C12orf43: variants seen among roughly 807,000 people sequenced by gnomAD.
The protein encoded by C12orf43 is chromosome 12 open reading frame 43.
Under a neutral mutation model 20.6 loss-of-function variants are expected in C12orf43, and 15 were observed. The ratio of observed to expected loss-of-function variants is 0.73; its 90% confidence interval spans 0.49 to 1.12. The LOEUF (loss-of-function observed/expected upper bound fraction) is 1.12. C12orf43 is among the 50% of genes most tolerant of loss of function. C12orf43 has a pLI of 0.00. For synonymous variants in C12orf43, 144 were observed against 130.8 expected (o/e 1.10, Z -0.69); for missense variants, 334 against 344.4 (o/e 0.97, Z 0.24).
Position 121,002,134 on chromosome 12 carries a change from C to T in C12orf43, c.*2019G>A. On this transcript the variant is annotated 3_prime_UTR_variant, in exon 6 of 6. Transcript: ENST00000288757. ...AGGCAGCAAGGCCCGAGCAGCTGAG[C>T]AGGGCCGGGGAACTGGCCAAGCTGA... The T allele has an allele frequency of 1.9e-6, 1 of 523,990 alleles. No homozygotes were observed. Among genetic ancestry groups the T allele is most frequent in the Non-Finnish European group, 3.7e-6 (1 of 270,474 alleles). The allele number at this position is 523,990 out of a possible 1,614,324, so 32.5% of individuals were successfully genotyped here. A position where few individuals can be genotyped will look rare whatever the true frequency, so the allele number is the denominator to read the frequency against.
Position 121,011,161 on chromosome 12 carries a change from A to C in C12orf43, c.146-15T>G. On this transcript the variant is annotated splice_polypyrimidine_tract_variant and intron_variant, in intron 1 of 5. Transcript: ENST00000288757. Reference sequence around the variant, plus strand: ...ATTTGCAGCACCTGTGGAAAAATGAAAATTAGGGCATTTATAGAGGAAACA... The same window carrying C: ...ATTTGCAGCACCTGTGGAAAAATGACAATTAGGGCATTTATAGAGGAAACA... 1 of 1,612,846 alleles carries C rather than the reference A, an allele frequency of 6.2e-7. No individual in the cohort carries two copies. Among genetic ancestry groups the C allele is most frequent in the Non-Finnish European group, 8.5e-7 (1 of 1,179,038 alleles).
Position 121,000,613 on chromosome 12 carries a change from C to T in C12orf43, c.*3540G>A, listed in dbSNP as rs1044934619. On this transcript the variant is annotated 3_prime_UTR_variant, in exon 6 of 6. Transcript: ENST00000288757. ...AATTCTGCAGCCTTGAGGCAGAATT[C>T]CTTCTCTGGGAAACCGGTTTTTGCT... 4.3e-6 allele frequency: 1 copy of T among 234,330 alleles called. No individual in the cohort carries two copies. The highest frequency in any genetic ancestry group is 5.1e-5 in the Admixed American group (1 of 19,486). 14.5% of individuals were successfully genotyped at this position (234,330 alleles called of 1,614,324 possible).
Position 121,001,252 on chromosome 12 carries a change from C to T in C12orf43, c.*2901G>A. 1 of 1,596,256 alleles carries T rather than the reference C, an allele frequency of 6.3e-7. No homozygotes were observed. The highest frequency in any genetic ancestry group is 8.5e-7 in the Non-Finnish European group (1 of 1,170,210). On this transcript the variant is annotated 3_prime_UTR_variant, in exon 6 of 6. Coordinates refer to ENST00000288757, the MANE Select transcript of C12orf43 (RefSeq NM_022895.3). ...GCTTGGGGGGTGATGAGGGCAGCAG[C>T]CAGCCCTGCCTGGAGGACCTGAGCC...
intron 1 of C12orf43, among the ~76,000 whole-genome samples, chr12:121,015,223 T>C (rs890643149): frequency 6.6e-6 from 1 of 152,120 alleles, no homozygotes; most frequent in Non-Finnish European, 1.5e-5. Flanking sequence ...GATCTGTAAA[T>C]AGAACTTGCA....
In C12orf43 at chr12:121,016,382, C is replaced by G; in HGVS notation, c.93G>C (p.Met31Ile). Residue 31 changes from methionine to isoleucine, a missense_variant, in exon 1 of 6, where the codon ATG (methionine) becomes ATC (isoleucine). By Grantham distance (10) the Met-to-Ile change is conservative (BLOSUM62 1). Coordinates refer to ENST00000288757, the MANE Select transcript of C12orf43 (RefSeq NM_022895.3). ...EELERCREAA[M>I]PAWGLEQRPH... ...GGCGTTGCTCCAAGCCCCAAGCCGG[C>G]ATTGCCGCCTCGCGGCACCGCTCCA... The G allele has an allele frequency of 1.2e-6, 2 of 1,613,908 alleles. No homozygotes were observed. The highest frequency in any genetic ancestry group is 8.5e-7 in the Non-Finnish European group (1 of 1,180,046).
rs1044770304 is a variant in C12orf43, at chr12:121,006,468, G to A, written c.288-74C>T. On this transcript the variant is annotated intron_variant, in intron 3 of 5. Transcript: ENST00000288757. The stretch of plus-strand genomic sequence containing the variant: ...ACAAAAACAAAATTCTTTTTCAAGT[G>A]GAGGGGATGGGGTATGTGATTGTAA... 43 of 1,381,796 alleles carry A rather than the reference G, an allele frequency of 3.1e-5. No individual in the cohort carries two copies. The African/African-American group carries it at 5.1e-4, about 16-fold the overall frequency. 85.6% of individuals were successfully genotyped at this position (1,381,796 alleles called of 1,614,324 possible).
intron 1 of C12orf43, among the ~76,000 whole-genome samples, chr12:121,015,598 G>A (rs1358774171): frequency 6.6e-6 from 1 of 152,198 alleles, no homozygotes; most frequent in Non-Finnish European, 1.5e-5. Context: ...CTAAAAATTA[G>A]AGTGGCACAT....
intron 1 of C12orf43, among the ~76,000 whole-genome samples, chr12:121,012,161 G>C (rs1360136657): frequency 6.6e-6 from 1 of 152,200 alleles, no homozygotes; most frequent in Non-Finnish European, 1.5e-5. Flanking sequence ...TGAGAGAGGA[G>C]AGGGAGTGAA....
Position 121,000,662 on chromosome 12 carries a change from G to A in C12orf43, c.*3491C>T, listed in dbSNP as rs887564433. On this transcript the variant is annotated 3_prime_UTR_variant, in exon 6 of 6. Coordinates refer to ENST00000288757, the MANE Select transcript of C12orf43 (RefSeq NM_022895.3). ...CTCTTACGGCCTTCCACTGATGTAG[G>A]AGGCCCACCCATATTTTCAGGGTAA... 1 of 288,362 alleles carries A rather than the reference G, an allele frequency of 3.5e-6. No individual in the cohort carries two copies. The highest frequency in any genetic ancestry group is 2.2e-5 in the African/African-American group (1 of 45,776). 17.9% of individuals were successfully genotyped at this position (288,362 alleles called of 1,614,324 possible). A position where few individuals can be genotyped will look rare whatever the true frequency, so the allele number is the denominator to read the frequency against.
At position 121,002,342 on chromosome 12, in the gene C12orf43, C is replaced by T. The variant is rs1414146133; in HGVS notation, c.*1811G>A. 2.1e-6 allele frequency: 1 copy of T among 472,746 alleles called. No individual in the cohort carries two copies. Among genetic ancestry groups the T allele is most frequent in the African/African-American group, 1.9e-5 (1 of 51,596 alleles). The allele number at this position is 472,746 out of a possible 1,614,324, so 29.3% of individuals were successfully genotyped here. On this transcript the variant is annotated 3_prime_UTR_variant, in exon 6 of 6. Transcript: ENST00000288757. The stretch of plus-strand genomic sequence containing the variant: ...CCTGTGAACCCAGGACAAGCATGGT[C>T]CCACATCCCTGGGCCTGCTGCTGAG...
chr12:121,004,318 A>G lies in C12orf43; in HGVS notation c.624T>C (p.Ala208=). ...TGGCCATGCTGGTGGGGGTGGTGGCAGCGACAGCCGAGTCGACACTGGCCA... is the reference window on the plus strand; with the variant it reads ...TGGCCATGCTGGTGGGGGTGGTGGCGGCGACAGCCGAGTCGACACTGGCCA... The part of the protein sequence containing the change: ...KKVASVDSAV[A]ATTPTSMATV... The change falls in exon 6 of 6, where the codon GCT becomes GCC. Residue 208 remains alanine, a synonymous_variant. Transcript: ENST00000288757. The surrounding 1 kb of genome is among the most constrained non-coding windows in gnomAD (Gnocchi z 5.6). The G allele has an allele frequency of 6.2e-7, 1 of 1,614,034 alleles. No individual in the cohort carries two copies. Among genetic ancestry groups the G allele is most frequent in the South Asian group, 1.1e-5 (1 of 91,080 alleles).
chr12:121,004,687 G>A lies in C12orf43; in HGVS notation c.453-198C>T, dbSNP rs146976850. Among the ~76,000 whole-genome samples, 12 of 152,304 alleles carry A rather than the reference G, an allele frequency of 7.9e-5. No individual in the cohort carries two copies. Among genetic ancestry groups the A allele is most frequent in the African/African-American group, 2.4e-4 (10 of 41,562 alleles). On this transcript the variant is annotated intron_variant, in intron 5 of 5. Transcript: ENST00000288757. The surrounding 1 kb of genome is among the most constrained non-coding windows in gnomAD (Gnocchi z 5.6). ...CGTAGCAGCCTTGTGACCTCCTTAA[G>A]TGACTTAACCTCTCTGACTGTATCA...
intron 1 of C12orf43, among the ~76,000 whole-genome samples, chr12:121,014,647 A>T (rs1428843127): frequency 8.1e-4 from 1 of 1,242 alleles, no homozygotes; most frequent in South Asian, 0.12. Context: ...AAAAAATGCA[A>T]AAAAAAAAAA....
Position 121,004,530 on chromosome 12 carries a change from G to A in C12orf43, c.453-41C>T, listed in dbSNP as rs769920510. Reference sequence around the variant, plus strand: ...GGTACCCTGGGTTAGCTGGAGTCAGGACACAGCCCCAGAGCTGCCTCTCGC... The same window carrying A: ...GGTACCCTGGGTTAGCTGGAGTCAGAACACAGCCCCAGAGCTGCCTCTCGC... On this transcript the variant is annotated intron_variant, in intron 5 of 5. Transcript: ENST00000288757. This position sits in a 1 kb window ranked among gnomAD's most constrained non-coding sequence, Gnocchi z 5.6. 3 of 1,538,610 alleles carry A rather than the reference G, an allele frequency of 1.9e-6. No homozygotes were observed. Among genetic ancestry groups the A allele is most frequent in the Admixed American group, 1.9e-5 (1 of 52,440 alleles).
chr12:121,012,685 T>C (rs993745218), intron 1 of C12orf43: 2 of 432,486 alleles, frequency 4.6e-6, no homozygotes. Flanking sequence ...ACCCCATCTC[T>C]ACTAAAAAAT....
In C12orf43 at chr12:121,003,834, C is replaced by T; in HGVS notation, c.*319G>A. The T allele has an allele frequency of 2.5e-6, 1 of 403,520 alleles. No individual in the cohort carries two copies. The allele number at this position is 403,520 out of a possible 1,614,324, so 25.0% of individuals were successfully genotyped here. A position where few individuals can be genotyped will look rare whatever the true frequency, so the allele number is the denominator to read the frequency against. Reference sequence around the variant, plus strand: ...TTCTAGGGAGATGGAGGTTTCACCACTTGGCCACTAGTCTCAAATAACTGG... The same window carrying T: ...TTCTAGGGAGATGGAGGTTTCACCATTTGGCCACTAGTCTCAAATAACTGG... On this transcript the variant is annotated 3_prime_UTR_variant, in exon 6 of 6. Transcript: ENST00000288757.
Position 121,016,412 on chromosome 12 carries a change from C to T in C12orf43, c.63G>A (p.Glu21=), listed in dbSNP as rs1868933954. 6.2e-7 allele frequency: 1 copy of T among 1,614,042 alleles called. No individual in the cohort carries two copies. Residue 21 remains glutamate (E), a synonymous_variant, in exon 1 of 6, where the codon GAG becomes GAA. Transcript: ENST00000288757. ...SESSNSSSDA[E]ELERCREAAM... ...CCGCCTCGCGGCACCGCTCCAGCTC[C>T]TCCGCATCGCTACTGCTGTTACTAC...
chr12:121,005,163 T>C lies in C12orf43; in HGVS notation c.362-70A>G. On this transcript the variant is annotated intron_variant, in intron 4 of 5. Coordinates refer to ENST00000288757, the MANE Select transcript of C12orf43 (RefSeq NM_022895.3). This position sits in a 1 kb window ranked among gnomAD's most constrained non-coding sequence, Gnocchi z 5.6. The stretch of plus-strand genomic sequence containing the variant: ...AAAAGAAACATAAAAAAATAAAAAA[T>C]AAAGAAACAAAAAAGAAAAAAATTT... 1.2e-6 allele frequency: 1 copy of C among 828,520 alleles called. No homozygotes were observed. The highest frequency in any genetic ancestry group is 1.6e-6 in the Non-Finnish European group (1 of 634,862). The allele number at this position is 828,520 out of a possible 1,614,324, so 51.3% of individuals were successfully genotyped here.
At chr12:121,007,505 GA>G (rs1281665582) in intron 3 of C12orf43, among the ~76,000 whole-genome samples, 1 of 152,160 alleles carries the variant, frequency 6.6e-6, no homozygotes. Context: ...GATTGAAGGG[GA>G]AAATGGATAT....
Sources: gnomAD v4.1 joint callset for allele counts (sites outside exome capture counted in the v4.1 genomes callset) on GRCh38, gnomAD v4.1.1 for gene constraint, Gnocchi (gnomAD v3.1) non-coding constraint, MANE v1.5 for transcripts, NCBI Gene and HGNC (gene_info 2026-07-23, HGNC 2026-07-21) for gene names.